Variants in P4HA3 observed in about 807,000 individuals in gnomAD.
P4HA3 encodes the protein prolyl 4-hydroxylase subunit alpha 3.
A neutral mutation model predicts 66.7 loss-of-function variants in P4HA3; 60 were observed. That is an observed-to-expected ratio of 0.90 (90% CI 0.73 to 1.12). P4HA3 has a LOEUF of 1.12. Among genes scored for constraint, P4HA3 ranks in the 50% most tolerant of loss-of-function variants. The pLI, the probability that P4HA3 is intolerant of heterozygous loss-of-function variation, is 0.00. For missense variants in P4HA3, 683 were observed against 685.8 expected, an observed-to-expected ratio of 1.00 and a Z score of 0.05; for synonymous variants, 263 against 274.6, an observed-to-expected ratio of 0.96 and a Z score of 0.42.
At chr11:74,292,382 T>A (rs1333803796) in intron 4 of P4HA3, among the ~76,000 whole-genome samples, 1 of 152,172 alleles carries the variant, frequency 6.6e-6, no homozygotes, top group African/African-American at 2.4e-5. Context: ...TTTGTTGATC[T>A]TTTCAAAAAA....
chr11:74,291,561 A>T, intron 4 of P4HA3, among the ~76,000 whole-genome samples: 1 of 152,198 alleles, frequency 6.6e-6, no homozygotes, highest in East Asian at 1.9e-4. Context: ...TTGCCCATTC[A>T]GTATGATATT....
At chr11:74,292,404 A>T (rs1159362561) in intron 4 of P4HA3, among the ~76,000 whole-genome samples, 1 of 152,058 alleles carries the variant, frequency 6.6e-6, no homozygotes, top group Non-Finnish European at 1.5e-5. Flanking sequence ...CAGCTCCTGG[A>T]TTCATTAATT....
At chr11:74,253,638 C>A in intron 15 of P4HA3, 2 of 1,075,614 alleles carry the variant, frequency 1.9e-6, no homozygotes, top group Non-Finnish European at 2.9e-6. Flanking sequence ...GGTAGACGGG[C>A]ACCCCGAGAT....
intron 15 of P4HA3, chr11:74,259,760 T>G (rs1859880153): frequency 6.6e-6 from 1 of 152,284 alleles, no homozygotes; most frequent in Non-Finnish European, 1.5e-5. Flanking sequence ...ATCAAAATTC[T>G]GTTCCATTTT....
At position 74,267,068 on chromosome 11, in the gene P4HA3, T is replaced by C. The variant is rs1860011585; in HGVS notation, c.*180A>G. ...TTCCGTGGCTGGGGCAGATCAAATG[T>C]ACATTCTCAGTGTCCCCTGGTAACA... On this transcript the variant is annotated 3_prime_UTR_variant, in exon 13 of 13. Transcript: ENST00000331597. 1 of 1,536,994 alleles carries C rather than the reference T, an allele frequency of 6.5e-7. No homozygotes were observed. Among genetic ancestry groups the C allele is most frequent in the African/African-American group, 1.4e-5 (1 of 73,072 alleles).
intron 5 of P4HA3, among the ~76,000 whole-genome samples, chr11:74,286,850 A>G (rs1224313657): frequency 2.6e-5 from 4 of 152,246 alleles, no homozygotes; most frequent in Non-Finnish European, 5.9e-5. Context: ...AGGACATTAA[A>G]TTATCACTTA....
rs138861556 is a variant in P4HA3, at chr11:74,285,046, T to G, written c.1110+763A>C. Among the ~76,000 whole-genome samples the G allele has an allele frequency of 1.5e-3, 229 of 152,218 alleles. 2 individuals are homozygous for G. The highest frequency in any genetic ancestry group is 5.2e-3 in the African/African-American group (217 of 41,562). ...TTACAAAGTTTAATTTATAATTATA[T>G]GTTATAATTTATAATTCATAAATGA... On this transcript the variant is annotated intron_variant, in intron 7 of 12. Coordinates refer to ENST00000331597, the MANE Select transcript of P4HA3 (RefSeq NM_182904.5).
At chr11:74,253,941 A>G (rs556245721) in intron 15 of P4HA3, 43 of 222,994 alleles carry the variant, frequency 1.9e-4, no homozygotes, top group African/African-American at 5.2e-4. Flanking sequence ...TGGACAATGC[A>G]TGGGGTGGTC....
intron 15 of P4HA3, among the ~76,000 whole-genome samples, chr11:74,252,247 TTTTG>T (rs1434098292): frequency 1.8e-4 from 26 of 147,980 alleles, no homozygotes; most frequent in African/African-American, 6.8e-4. Context: ...TTGTTTTTTT[TTTTG>T]TTTTTTTTTT....
chr11:74,290,947 T>A (rs181542799), intron 4 of P4HA3, among the ~76,000 whole-genome samples: 3 of 152,348 alleles, frequency 2.0e-5, no homozygotes, highest in Admixed American at 2.0e-4. Flanking sequence ...TGATTCCATA[T>A]GAATTTTAAA....
chr11:74,273,476 C>T, intron 10 of P4HA3, 69 bp downstream of exon 10: 2 of 1,308,836 alleles, frequency 1.5e-6, no homozygotes, highest in Non-Finnish European at 1.0e-6. Context: ...CGTGAAATTG[C>T]TTTGAAAACA....
intron 15 of P4HA3, among the ~76,000 whole-genome samples, chr11:74,256,830 A>T (rs940359817): frequency 6.6e-6 from 1 of 152,184 alleles, no homozygotes; most frequent in Non-Finnish European, 1.5e-5. Flanking sequence ...GGGGGACAGA[A>T]TCTTGAGACT....
intron 11 of P4HA3, among the ~76,000 whole-genome samples, chr11:74,269,060 A>G (rs932293158): frequency 3.9e-5 from 6 of 152,220 alleles, no homozygotes. Context: ...CCTGCTTTAC[A>G]GGAATGATCT....
intron 10 of P4HA3, among the ~76,000 whole-genome samples, chr11:74,272,915 T>G (rs1263373538): frequency 6.6e-6 from 1 of 152,044 alleles, no homozygotes; most frequent in East Asian, 1.9e-4. Flanking sequence ...AGGGGACAGG[T>G]GAGATGATAC....
chr11:74,286,967 T>A (rs75477975), intron 5 of P4HA3: 3 of 453,336 alleles, frequency 6.6e-6, no homozygotes, highest in Non-Finnish European at 8.8e-6. Context: ...AATTCATTCT[T>A]GGCTCCACTA....
chr11:74,301,440 T>C (rs1432547932), intron 3 of P4HA3, among the ~76,000 whole-genome samples: 1 of 152,210 alleles, frequency 6.6e-6, no homozygotes, highest in Non-Finnish European at 1.5e-5. Flanking sequence ...ACATGATGAT[T>C]GAGCTCTGAT....
At chr11:74,254,968 A>G (rs1478026122) in intron 15 of P4HA3, among the ~76,000 whole-genome samples, 2 of 152,132 alleles carry the variant, frequency 1.3e-5, no homozygotes, top group African/African-American at 4.8e-5. Context: ...CAATCTGTGC[A>G]CTGTCCACAT....
At chr11:74,298,848 A>T (rs968353867) in intron 3 of P4HA3, among the ~76,000 whole-genome samples, 2 of 152,276 alleles carry the variant, frequency 1.3e-5, no homozygotes, top group Admixed American at 1.3e-4. Flanking sequence ...CAAGTAGTCC[A>T]TCGTGGCTGT....
chr11:74,276,652 A>T (rs1860406946), intron 9 of P4HA3, among the ~76,000 whole-genome samples: 1 of 152,332 alleles, frequency 6.6e-6, no homozygotes, highest in East Asian at 1.9e-4. Context: ...TATTATCAGC[A>T]AAGATGGCCA....
Sources: gnomAD v4.1 joint callset for allele counts (sites outside exome capture counted in the v4.1 genomes callset) on GRCh38, gnomAD v4.1.1 for gene constraint, MANE v1.5 for transcripts, NCBI Gene and HGNC (gene_info 2026-07-23, HGNC 2026-07-21) for gene names.